The following GSE1 variants were observed in gnomAD, a reference collection of about 807,000 sequenced individuals.
GSE1 encodes Gse1 coiled-coil protein, also known as genetic suppressor element 1.
In GSE1, 32 loss-of-function variants were observed where a neutral mutation model predicts 112.6. That is an observed-to-expected ratio of 0.28 (90% CI 0.21 to 0.38). GSE1 has a LOEUF of 0.38. GSE1 is among the 10% of genes least tolerant of loss of function. GSE1 has a pLI of 1.00. For missense variants in GSE1, 2,348 were observed against 1,699.2 expected, an observed-to-expected ratio of 1.38 and a Z score of -6.71; for synonymous variants, 1,115 against 735.6, an observed-to-expected ratio of 1.52 and a Z score of -8.35.
At chr16:85,363,667 C>A (rs117780305) in intron 2 of GSE1, among the ~76,000 whole-genome samples, 18 of 152,176 alleles carry the variant, frequency 1.2e-4, no homozygotes, top group African/African-American at 4.3e-4. Context: ...GTTGCAAAAG[C>A]CTGATTTTCC....
chr16:85,307,398 C>T (rs1302451914), intron 1 of GSE1, among the ~76,000 whole-genome samples: 1 of 152,206 alleles, frequency 6.6e-6, no homozygotes, highest in Non-Finnish European at 1.5e-5. Flanking sequence ...CAGGACAGCG[C>T]TCAGTTTCAG....
chr16:85,494,316 A>G (rs920928509), intron 2 of GSE1, among the ~76,000 whole-genome samples: 1 of 152,156 alleles, frequency 6.6e-6, no homozygotes, highest in Non-Finnish European at 1.5e-5. Flanking sequence ...GCTTCACTAC[A>G]GTCTCTTCCT....
chr16:85,295,327 C>A (rs1429258952), intron 1 of GSE1, among the ~76,000 whole-genome samples: 1 of 152,182 alleles, frequency 6.6e-6, no homozygotes, highest in Non-Finnish European at 1.5e-5. Flanking sequence ...TGGGGCGAAA[C>A]CCTGTCTCTA....
intron 1 of GSE1, among the ~76,000 whole-genome samples, chr16:85,333,757 G>A (rs530912218): frequency 1.3e-5 from 2 of 152,226 alleles, no homozygotes; most frequent in East Asian, 1.9e-4. Context: ...TCTCACTTCC[G>A]GAGCACCCGC....
chr16:85,236,095 GC>G (rs1179059297), intron 1 of GSE1, among the ~76,000 whole-genome samples: 1 of 152,128 alleles, frequency 6.6e-6, no homozygotes, highest in Non-Finnish European at 1.5e-5. Flanking sequence ...CTCCCTGGCT[GC>G]CTGTGTGGCT....
intron 1 of GSE1, among the ~76,000 whole-genome samples, chr16:85,630,259 A>T (rs2049430478): frequency 6.6e-6 from 1 of 152,232 alleles, no homozygotes; most frequent in Admixed American, 6.5e-5. Context: ...TACTCTGTTC[A>T]TCAGAAGTGA....
In GSE1 at chr16:85,655,817, A is replaced by G. The variant is rs144783146; in HGVS notation, c.889A>G (p.Met297Val). ...CCTGCCCCCACTGCACCCATCAGCG[A>G]TGCACCTGCACCTCTCTGGGGTCCG... ...GSLPPLHPSA[M>V]HLHLSGVRYP... Residue 297 changes from methionine (M) to valine (V), a missense_variant, in exon 6 of 16, where the codon ATG (methionine) becomes GTG (valine). Coordinates refer to ENST00000253458, the MANE Select transcript of GSE1 (RefSeq NM_014615.5). 17 of 1,603,736 alleles carry G rather than the reference A, an allele frequency of 1.1e-5. No individual in the cohort carries two copies. The African/African-American group carries it at 2.3e-4, about 22-fold the overall frequency.
At chr16:85,258,758 T>TTG (rs1190083698) in intron 1 of GSE1, among the ~76,000 whole-genome samples, 3 of 152,190 alleles carry the variant, frequency 2.0e-5, no homozygotes, top group African/African-American at 7.2e-5. Context: ...AGGGACACGC[T>TTG]TGTCATGTTG....
At chr16:85,561,395 G>A (rs562459199) in intron 1 of GSE1, among the ~76,000 whole-genome samples, 8 of 152,250 alleles carry the variant, frequency 5.3e-5, no homozygotes, top group South Asian at 2.1e-4. Context: ...GGAGCTGGCC[G>A]CTGGCGTTGG....
chr16:85,506,372 G>T (rs2051535397), intron 2 of GSE1, among the ~76,000 whole-genome samples: 2 of 152,168 alleles, frequency 1.3e-5, no homozygotes, highest in Admixed American at 1.3e-4. Flanking sequence ...GGGTGGGGAG[G>T]AGCAGGCACG....
At chr16:85,297,297 C>T (rs2045395507) in intron 1 of GSE1, among the ~76,000 whole-genome samples, 1 of 152,246 alleles carries the variant, frequency 6.6e-6, no homozygotes, top group Non-Finnish European at 1.5e-5. Context: ...CTCCCTCAGG[C>T]CCACCAGTGA....
chr16:85,335,206 A>C (rs1257992408), intron 1 of GSE1, among the ~76,000 whole-genome samples: 1 of 152,124 alleles, frequency 6.6e-6, no homozygotes, highest in African/African-American at 2.4e-5. Flanking sequence ...TTCTCTCCCT[A>C]CACCCATCCC....
chr16:85,247,895 C>G (rs1184418334), intron 1 of GSE1, among the ~76,000 whole-genome samples: 1 of 152,258 alleles, frequency 6.6e-6, no homozygotes, highest in East Asian at 1.9e-4. Context: ...AAGGCCCTTT[C>G]TGCAAGGAGG....
intron 2 of GSE1, among the ~76,000 whole-genome samples, chr16:85,537,799 T>C (rs78499590): frequency 2.9e-5 from 1 of 35,032 alleles, no homozygotes; most frequent in Non-Finnish European, 6.5e-5. Context: ...AATGGTACCC[T>C]AAAGCCCCGC....
At chr16:85,637,034 TTA>T in intron 2 of GSE1, among the ~76,000 whole-genome samples, 1 of 152,346 alleles carries the variant, frequency 6.6e-6, no homozygotes, top group Admixed American at 6.5e-5. Context: ...TAAAATTTTT[TTA>T]GTTACAATTC....
At chr16:85,542,224 G>A (rs918045673) in intron 2 of GSE1, among the ~76,000 whole-genome samples, 9 of 152,340 alleles carry the variant, frequency 5.9e-5, no homozygotes, top group Admixed American at 3.3e-4. Flanking sequence ...ATCAGCAGGC[G>A]AAGGCGGGGA....
intron 2 of GSE1, among the ~76,000 whole-genome samples, chr16:85,462,227 C>T (rs527337545): frequency 1.1e-4 from 16 of 152,152 alleles, no homozygotes; most frequent in Non-Finnish European, 2.4e-4. Flanking sequence ...GGGGGATGGG[C>T]TCAGCTCCTT....
At chr16:85,519,655 ACCACCATCACCACAGTCTCCATCACCT>A (rs2052105212) in intron 2 of GSE1, among the ~76,000 whole-genome samples, 1 of 146,922 alleles carries the variant, frequency 6.8e-6, no homozygotes, top group African/African-American at 2.5e-5. Flanking sequence ...CATCACCTTC[ACCACCATCACCACAGTCTCCATCACCT>A]TCACCACCAT....
chr16:85,174,926 G>T (rs894635442), intron 1 of GSE1, among the ~76,000 whole-genome samples: 4 of 152,090 alleles, frequency 2.6e-5, no homozygotes, highest in African/African-American at 9.7e-5. Flanking sequence ...TCTGTCTTTT[G>T]GGGGGTGGTT....
Sources: allele counts gnomAD v4.1 joint callset (sites outside exome capture counted in the v4.1 genomes callset), GRCh38; gene constraint gnomAD v4.1.1; transcripts MANE v1.5; gene names NCBI Gene and HGNC (gene_info 2026-07-23, HGNC 2026-07-21).